Variants in SEMA3A observed in about 807,000 individuals in gnomAD.
SEMA3A encodes semaphorin 3A.
In SEMA3A, 29 loss-of-function variants were observed where a neutral mutation model predicts 97.9. That is an observed-to-expected ratio of 0.30 (90% CI 0.22 to 0.40). The LOEUF (loss-of-function observed/expected upper bound fraction) is 0.40, where lower values mean the gene tolerates loss of function less well. SEMA3A is among the 10% of genes least tolerant of loss of function. The pLI is 1.00. For synonymous variants in SEMA3A, 321 were observed against 323.7 expected (o/e 0.99, Z 0.09); for missense variants, 763 against 951.3 (o/e 0.80, Z 2.60).
intron 14 of SEMA3A, among the ~76,000 whole-genome samples, chr7:83,980,639 T>TACAC (rs68037473): frequency 0.24 from 19,638 of 82,274 alleles, 2,420 homozygotes; most frequent in East Asian, 0.43. Flanking sequence ...TATATATATA[T>TACAC]ACACACACAC....
At position 84,362,415 on chromosome 7, in the gene SEMA3A, G is replaced by C. The variant is rs1168570439; in HGVS notation, c.-169+9409C>G. ...ATTATCATTATTCAGGGTTTTTATA[G>C]TTTCATCGTCAATATTGGAAGACAT... On this transcript the variant is annotated intron_variant, in intron 2 of 3. Coordinates refer to the SEMA3A transcript ENST00000424555. Among the ~76,000 whole-genome samples, 3 of 152,060 alleles carry C rather than the reference G, an allele frequency of 2.0e-5. No individual in the cohort carries two copies. The East Asian group carries it at 5.8e-4, about 29-fold the overall frequency.
At chr7:83,966,636 C>T (rs11506024) in intron 15 of SEMA3A, among the ~76,000 whole-genome samples, 2,711 of 152,198 alleles carry the variant, frequency 0.018, 72 homozygotes, top group African/African-American at 0.062. Flanking sequence ...TATTGTATTT[C>T]TTTGGTTTAA....
At chr7:84,475,508 G>T (rs1001028136) in intron 1 of SEMA3A, among the ~76,000 whole-genome samples, 1 of 152,148 alleles carries the variant, frequency 6.6e-6, no homozygotes, top group Non-Finnish European at 1.5e-5. Flanking sequence ...ATTGGGGTAC[G>T]TTTTACACGC....
chr7:84,190,664 A>C (rs1798011123), intron 1 of SEMA3A, among the ~76,000 whole-genome samples: 1 of 149,324 alleles, frequency 6.7e-6, no homozygotes, highest in Admixed American at 6.7e-5. Flanking sequence ...ATCCATGAAA[A>C]CTTTTCATGG....
chr7:84,287,518 G>A (rs1412106845), intron 3 of SEMA3A, among the ~76,000 whole-genome samples: 18 of 152,088 alleles, frequency 1.2e-4, no homozygotes, highest in Non-Finnish European at 2.9e-5. Context: ...TCTAACAGAT[G>A]ATCTTACTTC....
chr7:84,099,650 G>A (rs963028022), intron 4 of SEMA3A, among the ~76,000 whole-genome samples: 3 of 151,956 alleles, frequency 2.0e-5, no homozygotes, highest in Non-Finnish European at 2.9e-5. Flanking sequence ...AATCATAAAC[G>A]CTTTTTTTAA....
At chr7:84,091,128 G>GA (rs1275215420) in intron 4 of SEMA3A, among the ~76,000 whole-genome samples, 2 of 55,718 alleles carry the variant, frequency 3.6e-5, no homozygotes, top group Non-Finnish European at 7.9e-5. Flanking sequence ...GAAAAAGAAA[G>GA]AAAGAAAGAA....
At chr7:84,169,098 T>G (rs933848940) in intron 1 of SEMA3A, among the ~76,000 whole-genome samples, 1 of 151,748 alleles carries the variant, frequency 6.6e-6, no homozygotes, top group Non-Finnish European at 1.5e-5. Context: ...GTGTTTCAAA[T>G]TCTATATTGT....
chr7:84,410,177 G>T (rs942457595), intron 1 of SEMA3A, among the ~76,000 whole-genome samples: 9 of 151,982 alleles, frequency 5.9e-5, no homozygotes, highest in African/African-American at 2.2e-4. Flanking sequence ...GTAACTGTCT[G>T]CTCTTAAAGA....
intron 1 of SEMA3A, among the ~76,000 whole-genome samples, chr7:84,446,542 C>T (rs1055262078): frequency 2.0e-5 from 3 of 151,962 alleles, no homozygotes; most frequent in Non-Finnish European, 2.9e-5. Flanking sequence ...TTGTAATACA[C>T]GTAGACAGAG....
intron 3 of SEMA3A, among the ~76,000 whole-genome samples, chr7:84,210,736 T>C (rs1798605981): frequency 6.8e-6 from 1 of 147,726 alleles, no homozygotes; most frequent in South Asian, 2.1e-4. Context: ...TTCTTTTTTC[T>C]TTTTTTTTTA....
chr7:84,086,348 C>A (rs1378324916), intron 4 of SEMA3A, among the ~76,000 whole-genome samples: 1 of 150,996 alleles, frequency 6.6e-6, no homozygotes, highest in Non-Finnish European at 1.5e-5. Context: ...GTAATCATGA[C>A]CTTAATCTCC....
intron 3 of SEMA3A, among the ~76,000 whole-genome samples, chr7:84,202,264 A>T (rs1260499876): frequency 6.6e-6 from 1 of 152,198 alleles, no homozygotes; most frequent in Non-Finnish European, 1.5e-5. Context: ...GAGGAAATGC[A>T]TATGCTAATT....
At chr7:84,323,042 G>A (rs1272008485) in intron 2 of SEMA3A, among the ~76,000 whole-genome samples, 2 of 152,086 alleles carry the variant, frequency 1.3e-5, no homozygotes, top group Non-Finnish European at 2.9e-5. Flanking sequence ...GTAAAGTGAG[G>A]AAAATAATAG....
intron 3 of SEMA3A, among the ~76,000 whole-genome samples, chr7:84,244,115 T>C (rs1028785134): frequency 6.6e-6 from 1 of 152,208 alleles, no homozygotes; most frequent in Non-Finnish European, 1.5e-5. Flanking sequence ...TAGGTCCCCT[T>C]GGTCCAGAGC....
At chr7:84,099,271 C>A (rs1295094419) in intron 4 of SEMA3A, among the ~76,000 whole-genome samples, 1 of 59,992 alleles carries the variant, frequency 1.7e-5, no homozygotes, top group African/African-American at 3.5e-5. Flanking sequence ...GGTGTTTCAC[C>A]GTGTTAGCCA....
chr7:84,217,334 C>G (rs1798774015), intron 3 of SEMA3A, among the ~76,000 whole-genome samples: 1 of 151,988 alleles, frequency 6.6e-6, no homozygotes, highest in Admixed American at 6.6e-5. Context: ...AAAAGTGAAC[C>G]CTCAAAGATA....
At chr7:84,184,828 T>G (rs1584097198) in intron 1 of SEMA3A, among the ~76,000 whole-genome samples, 1 of 152,062 alleles carries the variant, frequency 6.6e-6, no homozygotes, top group African/African-American at 2.4e-5. Flanking sequence ...AGTGGAAGGG[T>G]GGCAGAAAGG....
chr7:84,366,734 T>G (rs114585340), intron 2 of SEMA3A, among the ~76,000 whole-genome samples: 2,005 of 151,406 alleles, frequency 0.013, 48 homozygotes, highest in African/African-American at 0.045. Flanking sequence ...AAACAACAAC[T>G]GAGAAAAGGC....
Sources: gnomAD v4.1 joint callset for allele counts (sites outside exome capture counted in the v4.1 genomes callset) on GRCh38, gnomAD v4.1.1 for gene constraint, MANE v1.5 for transcripts, NCBI Gene and HGNC (gene_info 2026-07-23, HGNC 2026-07-21) for gene names.